Variants in GAS2 observed in about 807,000 individuals in gnomAD.
GAS2 encodes the protein growth arrest-specific protein 2.
A neutral mutation model predicts 37.5 loss-of-function variants in GAS2; 20 were observed. The observed-to-expected ratio is 0.53, with a 90% CI of 0.37 to 0.77. The LOEUF is 0.77. Ranked by LOEUF, GAS2 falls within the 30% of genes least tolerant of loss-of-function variation. The pLI is 0.00. For missense variants in GAS2, 336 were observed against 373.4 expected (o/e 0.90, Z 0.82); for synonymous variants, 144 against 132.2 (o/e 1.09, Z -0.61).
intron 3 of GAS2, among the ~76,000 whole-genome samples, chr11:22,689,211 T>C (rs1243944620): frequency 6.6e-6 from 1 of 152,116 alleles, no homozygotes; most frequent in East Asian, 1.9e-4. Flanking sequence ...AAACCATTTA[T>C]ATACCCAACC....
At chr11:22,650,961 A>T (rs1390294307) in intron 1 of GAS2, among the ~76,000 whole-genome samples, 2 of 152,056 alleles carry the variant, frequency 1.3e-5, no homozygotes, top group African/African-American at 4.8e-5. Flanking sequence ...TCCTGTCATT[A>T]TGATGTTAGC....
intron 2 of GAS2, among the ~76,000 whole-genome samples, chr11:22,681,206 A>C (rs1849666199): frequency 6.6e-6 from 1 of 152,160 alleles, no homozygotes; most frequent in Admixed American, 6.5e-5. Context: ...TGATATGTAA[A>C]TCTTTATAAA....
At chr11:22,718,547 G>A (rs1851797586) in intron 3 of GAS2, among the ~76,000 whole-genome samples, 1 of 151,770 alleles carries the variant, frequency 6.6e-6, no homozygotes, top group Admixed American at 6.6e-5. Flanking sequence ...ATAAAAGACA[G>A]CACAATGGGT....
In GAS2 at chr11:22,812,141, T is replaced by C. The variant is rs187742580; in HGVS notation, c.*125T>C. ...AGATAGACAGAAAAATGTCATCATATTGAAAAATGTTCAAAGAGTAGCACT... is the reference window on the plus strand; with the variant it reads ...AGATAGACAGAAAAATGTCATCATACTGAAAAATGTTCAAAGAGTAGCACT... On this transcript the variant is annotated 3_prime_UTR_variant, in exon 8 of 8. Transcript: ENST00000454584. 1.6e-4 allele frequency: 110 copies of C among 676,408 alleles called. No individual in the cohort carries two copies. The African/African-American group carries it at 1.8e-3, about 11-fold the overall frequency. 41.9% of individuals were successfully genotyped at this position (676,408 alleles called of 1,614,324 possible). A position where few individuals can be genotyped will look rare whatever the true frequency, so the allele number is the denominator to read the frequency against.
chr11:22,737,938 G>A (rs550494715), intron 5 of GAS2, among the ~76,000 whole-genome samples, 170 bp downstream of exon 5: 1 of 152,332 alleles, frequency 6.6e-6, no homozygotes, highest in South Asian at 2.1e-4. Flanking sequence ...AATTAAAAGT[G>A]TGCCACCAAT....
intron 3 of GAS2, among the ~76,000 whole-genome samples, chr11:22,720,397 G>GA (rs1851890314): frequency 6.6e-6 from 1 of 151,454 alleles, no homozygotes; most frequent in Non-Finnish European, 1.5e-5. Flanking sequence ...ATACCACAAA[G>GA]TTTTTTTTCC....
chr11:22,798,371 T>C (rs1302238707), intron 7 of GAS2, among the ~76,000 whole-genome samples: 6 of 152,036 alleles, frequency 3.9e-5, no homozygotes, highest in African/African-American at 1.4e-4. Context: ...GGAATTACTA[T>C]AGTCATTATT....
chr11:22,715,413 A>T (rs1373256862), intron 3 of GAS2, among the ~76,000 whole-genome samples: 1 of 136,150 alleles, frequency 7.3e-6, no homozygotes, highest in East Asian at 2.4e-4. Context: ...GTGAGCTGAG[A>T]TCACGCCATT....
At chr11:22,742,779 G>A (rs745975005) in intron 5 of GAS2, among the ~76,000 whole-genome samples, 2 of 151,966 alleles carry the variant, frequency 1.3e-5, no homozygotes, top group African/African-American at 4.8e-5. Flanking sequence ...GTTGTTACTC[G>A]AACATAAGTA....
In GAS2 at chr11:22,653,275, A is replaced by G. The variant is rs372225169; in HGVS notation, c.-20-21575A>G. Among the ~76,000 whole-genome samples the G allele has an allele frequency of 7.2e-5, 11 of 152,088 alleles. No individual in the cohort carries two copies. The East Asian group carries it at 1.2e-3, about 16-fold the overall frequency. The stretch of plus-strand genomic sequence containing the variant: ...GTACTCAGAAAAAAAGAGAGCTGTT[A>G]TCATTTAGTGTATAGGAAGAATTTA... On this transcript the variant is annotated intron_variant, in intron 1 of 5. Coordinates refer to the GAS2 transcript ENST00000528582.
chr11:22,742,887 C>T (rs894882137), intron 5 of GAS2, among the ~76,000 whole-genome samples: 2 of 152,020 alleles, frequency 1.3e-5, no homozygotes, highest in South Asian at 2.1e-4. Flanking sequence ...TCATATTTTC[C>T]AATTCACCTA....
rs145192893 is a variant in GAS2, at chr11:22,732,873, A to C, written c.410-4832A>C. ...ATGTTACATATATCAAAGCACACTT[A>C]AATATTTTCAGCAAAACATATGTAG... On this transcript the variant is annotated intron_variant, in intron 4 of 7. Coordinates refer to ENST00000454584, the MANE Select transcript of GAS2 (RefSeq NM_001143830.3). 5.6e-3 allele frequency among the ~76,000 whole-genome samples: 851 copies of C among 151,794 alleles called. 14 individuals carry two copies. The highest frequency in any genetic ancestry group is 0.019 in the African/African-American group (770 of 41,474).
At chr11:22,697,999 G>C (rs1320245316) in intron 3 of GAS2, among the ~76,000 whole-genome samples, 1 of 152,176 alleles carries the variant, frequency 6.6e-6, no homozygotes, top group Admixed American at 6.6e-5. Context: ...GGAGTGGTGA[G>C]AGAGGGCATC....
At chr11:22,692,355 C>T (rs546966579) in intron 3 of GAS2, among the ~76,000 whole-genome samples, 23 of 152,244 alleles carry the variant, frequency 1.5e-4, no homozygotes, top group African/African-American at 3.9e-4. Context: ...TGAGGACGTG[C>T]GCCCATGATA....
chr11:22,745,871 A>T (rs1853368208), intron 5 of GAS2, among the ~76,000 whole-genome samples: 1 of 152,194 alleles, frequency 6.6e-6, no homozygotes, highest in Admixed American at 6.5e-5. Flanking sequence ...GAGAAATGTG[A>T]ATCAAAACCA....
At chr11:22,750,245 G>T (rs114990340) in intron 6 of GAS2, among the ~76,000 whole-genome samples, 2,098 of 152,160 alleles carry the variant, frequency 0.014, 57 homozygotes, top group African/African-American at 0.048. Context: ...GTGGTCCATA[G>T]CTGTGAGTTT....
chr11:22,768,290 G>A (rs960858907), intron 7 of GAS2, among the ~76,000 whole-genome samples: 2 of 152,166 alleles, frequency 1.3e-5, no homozygotes, highest in Non-Finnish European at 2.9e-5. Context: ...AAAGCAAAAT[G>A]ACAACAAAAG....
chr11:22,762,783 ATCTC>A lies in GAS2; in HGVS notation c.723+6831_723+6834del, dbSNP rs574050092. Among the ~76,000 whole-genome samples, 815 of 152,300 alleles carry A rather than the reference ATCTC, an allele frequency of 5.4e-3. 5 individuals are homozygous for A. Among genetic ancestry groups the A allele is most frequent in the African/African-American group, 0.018 (757 of 41,578 alleles). ...CTGTATAAAATTCTTTATGTGGTCT[ATCTC>A]CTTAATAGGCAAAATTAACTAGAAT... On this transcript the variant is annotated intron_variant, in intron 7 of 7. Coordinates refer to ENST00000454584, the MANE Select transcript of GAS2 (RefSeq NM_001143830.3).
chr11:22,762,460 G>A (rs368739876), intron 7 of GAS2, among the ~76,000 whole-genome samples: 5 of 152,208 alleles, frequency 3.3e-5, no homozygotes, highest in South Asian at 2.1e-4. Context: ...AGTCAAAGCC[G>A]TGACTTGCCA....
Sources: gnomAD v4.1 joint callset for allele counts (sites outside exome capture counted in the v4.1 genomes callset) on GRCh38, gnomAD v4.1.1 for gene constraint, MANE v1.5 for transcripts, NCBI Gene and HGNC (gene_info 2026-07-23, HGNC 2026-07-21) for gene names.